The following MLIP variants were observed in gnomAD, a reference collection of about 807,000 sequenced individuals.
MLIP encodes the protein muscular LMNA interacting protein, also known as muscular LMNA-interacting protein.
MLIP carries 79 observed loss-of-function variants against 84.8 expected under a neutral mutation model. That is an observed-to-expected ratio of 0.93 (90% CI 0.78 to 1.12). The LOEUF is 1.12. Ranked by LOEUF, MLIP falls within the 50% of genes most tolerant of loss-of-function variation. The probability of loss-of-function intolerance (pLI) is 0.00; values close to 1 mark genes in which losing one functional copy is unlikely to be tolerated. For synonymous variants in MLIP, 504 were observed against 463.0 expected (o/e 1.09, Z -1.14); for missense variants, 1,257 against 1,160.6 (o/e 1.08, Z -1.21).
At chr6:54,107,634 A>G (rs546663799), upstream of MLIP, among the ~76,000 whole-genome samples, 1 of 152,322 alleles carries the variant, frequency 6.6e-6, no homozygotes. Context: ...CCTGACATGC[A>G]TTGCCCATGC....
chr6:54,041,452 T>C (rs1355311864), intron 1 of MLIP, among the ~76,000 whole-genome samples: 10 of 152,078 alleles, frequency 6.6e-5, no homozygotes, highest in Non-Finnish European at 1.5e-4. Flanking sequence ...AGGAGAGGAC[T>C]TTCTGAGTCA....
chr6:54,177,716 G>T (rs9464029), intron 9 of MLIP, among the ~76,000 whole-genome samples: 4,786 of 152,162 alleles, frequency 0.031, 220 homozygotes, highest in African/African-American at 0.11. Context: ...AGGAATATAA[G>T]TCATTCTGTT....
intron 1 of MLIP, chr6:54,083,497 A>G (rs1767293577): frequency 6.5e-7 from 1 of 1,534,796 alleles, no homozygotes; most frequent in South Asian, 1.2e-5. Flanking sequence ...AGTGTTTGTC[A>G]ATGAGTTCTA....
rs190540086 is a variant in MLIP, at chr6:54,225,210, C to T, written c.2719-5504C>T. On this transcript the variant is annotated intron_variant, in intron 11 of 13. Coordinates refer to ENST00000502396, the MANE Select transcript of MLIP (RefSeq NM_001281747.2). The stretch of plus-strand genomic sequence containing the variant: ...TACTAGTTAGGGGAATTCTTTTTTG[C>T]GCAAGCCTCATATATTTTACCTTAC... Among the ~76,000 whole-genome samples the T allele has an allele frequency of 3.2e-4, 49 of 152,064 alleles. No individual in the cohort carries two copies. The East Asian group carries it at 4.8e-3, about 15-fold the overall frequency.
At chr6:54,190,694 G>T (rs1320278916) in intron 10 of MLIP, among the ~76,000 whole-genome samples, 3 of 151,616 alleles carry the variant, frequency 2.0e-5, no homozygotes, top group Admixed American at 1.3e-4. Context: ...TTAAATGAGA[G>T]AATTATTTTA....
intron 1 of MLIP, among the ~76,000 whole-genome samples, chr6:54,027,874 G>T (rs1581983291): frequency 1.3e-5 from 2 of 152,308 alleles, no homozygotes; most frequent in East Asian, 3.9e-4. Flanking sequence ...GCGAATAACA[G>T]AAAGGAGATA....
chr6:54,179,323 A>T (rs1776616739), intron 9 of MLIP, among the ~76,000 whole-genome samples: 2 of 152,082 alleles, frequency 1.3e-5, no homozygotes, highest in African/African-American at 4.8e-5. Context: ...TGTAGGCAAC[A>T]GGTGATTGGG....
chr6:54,114,579 A>G (rs951519734), intron 1 of MLIP, among the ~76,000 whole-genome samples: 2 of 152,192 alleles, frequency 1.3e-5, no homozygotes, highest in Non-Finnish European at 2.9e-5. Context: ...GCAGCAAACT[A>G]CATTCAACTC....
chr6:54,108,384 CT>C (rs1415452581), upstream of MLIP, among the ~76,000 whole-genome samples: 1 of 152,144 alleles, frequency 6.6e-6, no homozygotes, highest in Non-Finnish European at 1.5e-5. Context: ...TTTATATGCT[CT>C]TTTGTCATCC....
chr6:54,041,858 T>C (rs1041872079), intron 1 of MLIP, among the ~76,000 whole-genome samples: 2 of 152,158 alleles, frequency 1.3e-5, no homozygotes, highest in Non-Finnish European at 2.9e-5. Context: ...GGCTGTTCTA[T>C]ACCTTGTAGC....
intron 5 of MLIP, among the ~76,000 whole-genome samples, chr6:54,155,259 C>A (rs1773897516): frequency 6.6e-6 from 1 of 152,074 alleles, no homozygotes; most frequent in Non-Finnish European, 1.5e-5. Context: ...CCCAACTAGA[C>A]AATCAAAGTG....
intron 1 of MLIP, among the ~76,000 whole-genome samples, chr6:54,042,266 C>A (rs1471701442): frequency 1.3e-5 from 2 of 151,946 alleles, no homozygotes; most frequent in African/African-American, 4.8e-5. Flanking sequence ...TTTCCTATTA[C>A]CTAAAGCATC....
At chr6:54,203,091 A>G (rs1778802455) in intron 11 of MLIP, among the ~76,000 whole-genome samples, 1 of 152,206 alleles carries the variant, frequency 6.6e-6, no homozygotes, top group African/African-American at 2.4e-5. Context: ...TTTATGTTTG[A>G]AAAGTCTATA....
At chr6:54,119,556 G>T (rs1252735455) in intron 1 of MLIP, among the ~76,000 whole-genome samples, 1 of 152,176 alleles carries the variant, frequency 6.6e-6, no homozygotes, top group Non-Finnish European at 1.5e-5. Flanking sequence ...GAGGGGACTT[G>T]AGGAGATGTT....
chr6:54,083,960 T>C (rs1767326962), intron 1 of MLIP, among the ~76,000 whole-genome samples: 1 of 152,196 alleles, frequency 6.6e-6, no homozygotes, highest in South Asian at 2.1e-4. Flanking sequence ...AATTTGAGAT[T>C]ATATATTTTT....
intron 1 of MLIP, among the ~76,000 whole-genome samples, chr6:54,051,896 A>G (rs1382952708): frequency 1.3e-5 from 2 of 152,310 alleles, no homozygotes; most frequent in East Asian, 1.9e-4. Flanking sequence ...GGTAACAAAT[A>G]CAATTCAAAT....
At position 54,143,255 on chromosome 6, in the gene MLIP, G is replaced by T. The variant is rs563204265; in HGVS notation, c.2217+4969G>T. 6.8e-4 allele frequency among the ~76,000 whole-genome samples: 102 copies of T among 149,816 alleles called. 1 individual carries two copies. The highest frequency in any genetic ancestry group is 2.1e-3 in the Admixed American group (32 of 14,948). On this transcript the variant is annotated intron_variant, in intron 4 of 13. Transcript: ENST00000502396. ...TTTTTGAGGTGTAGTTTCGCTCTTGGCGTCCAGGCTGGAGTGCAATGGCGC... is the reference window on the plus strand; with the variant it reads ...TTTTTGAGGTGTAGTTTCGCTCTTGTCGTCCAGGCTGGAGTGCAATGGCGC...
chr6:54,124,522 G>A lies in MLIP; in HGVS notation c.302G>A (p.Arg101Lys), dbSNP rs757893043. Residue 101 changes from arginine (R) to lysine (K), a missense_variant, in exon 3 of 14, where the codon AGA becomes AAA. Arg to Lys is a conservative substitution (Grantham distance 26, BLOSUM62 2). Coordinates refer to ENST00000502396, the MANE Select transcript of MLIP (RefSeq NM_001281747.2). The stretch of plus-strand genomic sequence containing the variant: ...TTGAATGCTGGGAGCCAACAAGAGA[G>A]AGACCAAGCGAAATTGACTTGTCCT... The part of the protein sequence containing the change: ...LTLNAGSQQE[R>K]DQAKLTCPSE... 1 of 1,614,166 alleles carries A rather than the reference G, an allele frequency of 6.2e-7. No homozygotes were observed. Among genetic ancestry groups the A allele is most frequent in the South Asian group, 1.1e-5 (1 of 91,082 alleles).
chr6:54,165,988 C>T (rs1775140753), intron 8 of MLIP, among the ~76,000 whole-genome samples: 2 of 151,992 alleles, frequency 1.3e-5, no homozygotes, highest in South Asian at 4.1e-4. Flanking sequence ...CCTCACCAGA[C>T]ACCAAATCTG....
Sources: gnomAD v4.1 joint callset for allele counts (sites outside exome capture counted in the v4.1 genomes callset) on GRCh38, gnomAD v4.1.1 for gene constraint, MANE v1.5 for transcripts, NCBI Gene and HGNC (gene_info 2026-07-23, HGNC 2026-07-21) for gene names.